Variants in ARHGEF38 observed in about 807,000 individuals in gnomAD.
ARHGEF38 encodes Rho guanine nucleotide exchange factor 38, also known as Rho guanine nucleotide exchange factor (GEF) 38.
A neutral mutation model predicts 79.9 loss-of-function variants in ARHGEF38; 79 were observed. The ratio of observed to expected loss-of-function variants is 0.99; its 90% CI spans 0.82 to 1.19. The LOEUF (loss-of-function observed/expected upper bound fraction) is 1.19, where lower values mean the gene tolerates loss of function less well. Ranked by LOEUF, ARHGEF38 falls within the 50% of genes most tolerant of loss-of-function variation. ARHGEF38 has a pLI of 0.00. For synonymous variants in ARHGEF38, 366 were observed against 328.3 expected (o/e 1.11, Z -1.24); for missense variants, 962 against 907.2 (o/e 1.06, Z -0.78).
At chr4:105,596,536 T>A (rs1727587970) in intron 2 of ARHGEF38, among the ~76,000 whole-genome samples, 1 of 152,222 alleles carries the variant, frequency 6.6e-6, no homozygotes, top group Admixed American at 6.5e-5. Flanking sequence ...ATAAAAATAC[T>A]GTTCAAAGAC....
chr4:105,594,255 C>T (rs967711764), intron 2 of ARHGEF38, among the ~76,000 whole-genome samples: 1 of 152,190 alleles, frequency 6.6e-6, no homozygotes, highest in African/African-American at 2.4e-5. Flanking sequence ...AGTTAGTTGA[C>T]ACCACCAGTT....
At chr4:105,596,258 C>T (rs556177531) in intron 2 of ARHGEF38, among the ~76,000 whole-genome samples, 1 of 152,168 alleles carries the variant, frequency 6.6e-6, no homozygotes, top group Admixed American at 6.5e-5. Flanking sequence ...TAGGGAAACA[C>T]AAAAGAGAGG....
At chr4:105,655,502 G>A (rs750397242) in intron 8 of ARHGEF38, 101 bp from the exon 9 acceptor site, 4 of 1,199,396 alleles carry the variant, frequency 3.3e-6, no homozygotes, top group Non-Finnish European at 4.5e-6. Context: ...TAACCTCTCA[G>A]TGATAATTAA....
intron 1 of ARHGEF38, among the ~76,000 whole-genome samples, chr4:105,558,447 C>T (rs1725358281): frequency 6.6e-6 from 1 of 152,150 alleles, no homozygotes; most frequent in South Asian, 2.1e-4. Flanking sequence ...CCTTCATACA[C>T]TCTACAGTGA....
At chr4:105,616,562 G>A (rs2110496455) in intron 3 of ARHGEF38, among the ~76,000 whole-genome samples, 1 of 152,216 alleles carries the variant, frequency 6.6e-6, no homozygotes, top group South Asian at 2.1e-4. Context: ...CCACCCCCAT[G>A]ATTCAATCAC....
chr4:105,599,017 T>C (rs960215313), intron 2 of ARHGEF38, among the ~76,000 whole-genome samples: 2 of 152,208 alleles, frequency 1.3e-5, no homozygotes, highest in Non-Finnish European at 2.9e-5. Context: ...CATTTTCCCC[T>C]GGAGGGACGT....
chr4:105,647,569 T>C (rs1729903077), intron 6 of ARHGEF38, among the ~76,000 whole-genome samples: 1 of 152,252 alleles, frequency 6.6e-6, no homozygotes, highest in Admixed American at 6.5e-5. Context: ...GCAGATTCTC[T>C]GCATGAACTT....
chr4:105,654,264 C>T, intron 8 of ARHGEF38, 95 bp downstream of exon 8: 1 of 704,116 alleles, frequency 1.4e-6, no homozygotes, highest in Non-Finnish European at 2.1e-6. Flanking sequence ...TGTGACTGTT[C>T]CTTCCTTTAT....
At chr4:105,555,446 C>A (rs1725208658) in intron 1 of ARHGEF38, among the ~76,000 whole-genome samples, 1 of 152,114 alleles carries the variant, frequency 6.6e-6, no homozygotes, top group Non-Finnish European at 1.5e-5. Context: ...TGCGTTTGTT[C>A]TCTGGCCTGT....
chr4:105,666,306 C>T lies in ARHGEF38; in HGVS notation c.1675C>T (p.Pro559Ser), dbSNP rs1730747805. The change falls in exon 11 of 14, where the codon CCT becomes TCT. Residue 559 changes from proline (P) to serine (S), a missense_variant. Transcript: ENST00000420470. ...ERKLSFEKKK[P>S]VQILPEMPHQ... The stretch of plus-strand genomic sequence containing the variant: ...GAAACTCAGTTTTGAAAAGAAGAAA[C>T]CTGTGCAGATTCTGGTGAGTTTGGC... 3 of 1,528,296 alleles carry T rather than the reference C, an allele frequency of 2.0e-6. No individual in the cohort carries two copies. The African/African-American group carries it at 4.1e-5, about 21-fold the overall frequency. 94.7% of individuals were successfully genotyped at this position (1,528,296 alleles called of 1,614,324 possible).
chr4:105,681,508 T>A (rs1731309821), downstream of ARHGEF38, among the ~76,000 whole-genome samples: 2 of 152,146 alleles, frequency 1.3e-5, no homozygotes, highest in South Asian at 4.1e-4. Context: ...ATCCAGTTTT[T>A]TTGCTGTGAA....
At chr4:105,614,008 T>C (rs1728413176) in intron 3 of ARHGEF38, among the ~76,000 whole-genome samples, 1 of 152,120 alleles carries the variant, frequency 6.6e-6, no homozygotes, top group African/African-American at 2.4e-5. Context: ...TTTTTTTCTG[T>C]ATTATTTACC....
In ARHGEF38 at chr4:105,572,713, A is replaced by G. The variant is rs143686621; in HGVS notation, c.197-16535A>G. Among the ~76,000 whole-genome samples, 64 of 152,298 alleles carry G rather than the reference A, an allele frequency of 4.2e-4. No homozygotes were observed. In the East Asian group the frequency reaches 0.01, roughly 25 times the overall value. ...TCATCCAGGTTATAACATATGTCAT[A>G]ATTCCCTTTCTTTTTAAAGCTTGAA... On this transcript the variant is annotated intron_variant, in intron 1 of 13. Transcript: ENST00000420470.
At chr4:105,592,821 T>C (rs995146943) in intron 2 of ARHGEF38, among the ~76,000 whole-genome samples, 6 of 152,250 alleles carry the variant, frequency 3.9e-5, no homozygotes, top group African/African-American at 1.4e-4. Flanking sequence ...ACACCAAATC[T>C]ACCAACTTAC....
At chr4:105,564,418 A>G (rs1163720051) in intron 1 of ARHGEF38, among the ~76,000 whole-genome samples, 1 of 152,190 alleles carries the variant, frequency 6.6e-6, no homozygotes, top group African/African-American at 2.4e-5. Context: ...CAAACGCTAT[A>G]TGATTCTACT....
At chr4:105,648,823 T>C (rs937529906) in intron 7 of ARHGEF38, 141 bp downstream of exon 7, 28 of 474,278 alleles carry the variant, frequency 5.9e-5, no homozygotes, top group South Asian at 1.2e-4. Context: ...TGTCTCCCTC[T>C]CTCTCTCTCT....
chr4:105,562,679 C>T (rs753027515), intron 1 of ARHGEF38, among the ~76,000 whole-genome samples: 23 of 152,138 alleles, frequency 1.5e-4, no homozygotes, highest in Non-Finnish European at 3.2e-4. Flanking sequence ...TTTAAAATAT[C>T]AGAAGCACAC....
intron 3 of ARHGEF38, among the ~76,000 whole-genome samples, chr4:105,624,760 G>C (rs1235261283): frequency 6.6e-6 from 1 of 152,232 alleles, no homozygotes; most frequent in Non-Finnish European, 1.5e-5. Context: ...AGTCATGGCA[G>C]CTGGGCTCCC....
rs559693522 is a variant in ARHGEF38 at position 105,578,505 on chromosome 4, G to C, written c.197-10743G>C. 3.9e-4 allele frequency among the ~76,000 whole-genome samples: 59 copies of C among 152,248 alleles called. 1 individual carries two copies. In the South Asian group the frequency reaches 0.012, roughly 31 times the overall value. ...ACTTTCTGTCTTGATGATCTGTGTA[G>C]TACTGTCAGTGGAGTATTGAATTTT... On this transcript the variant is annotated intron_variant, in intron 1 of 13. Transcript: ENST00000420470.
Sources: allele counts gnomAD v4.1 joint callset (sites outside exome capture counted in the v4.1 genomes callset), GRCh38; gene constraint gnomAD v4.1.1; transcripts MANE v1.5; gene names NCBI Gene and HGNC (gene_info 2026-07-23, HGNC 2026-07-21).